ATP10B: variants seen among roughly 807,000 people sequenced by gnomAD.
The protein encoded by ATP10B is ATPase phospholipid transporting 10B (putative).
A neutral mutation model predicts 141.2 loss-of-function variants in ATP10B; 122 were observed. That is an observed-to-expected ratio of 0.86 (90% confidence interval 0.75 to 1.00). ATP10B has a LOEUF of 1.00. Among genes scored for constraint, ATP10B ranks in the 50% least tolerant of loss-of-function variants. The pLI is 0.00. For missense variants in ATP10B, 1,876 were observed against 1,825.3 expected, an observed-to-expected ratio of 1.03 and a Z score of -0.51; for synonymous variants, 685 against 692.0, an observed-to-expected ratio of 0.99 and a Z score of 0.16.
intron 2 of ATP10B, among the ~76,000 whole-genome samples, chr5:160,779,392 A>G (rs1581516360): frequency 1.3e-5 from 2 of 152,178 alleles, no homozygotes; most frequent in East Asian, 1.9e-4. Context: ...TTCTATAATT[A>G]GGTTACAAAA....
At chr5:160,814,982 G>A (rs1773493447) in intron 1 of ATP10B, among the ~76,000 whole-genome samples, 1 of 152,158 alleles carries the variant, frequency 6.6e-6, no homozygotes, top group Non-Finnish European at 1.5e-5. Context: ...GCTCCTGAAG[G>A]AAGCACTAAA....
chr5:160,867,788 A>T, the ATP10B span, among the ~76,000 whole-genome samples: 1 of 152,164 alleles, frequency 6.6e-6, no homozygotes, highest in Admixed American at 6.6e-5. Flanking sequence ...TGGATTTGGG[A>T]AGAAATCATT....
At chr5:160,657,208 T>C (rs891263950) in intron 7 of ATP10B, among the ~76,000 whole-genome samples, 1 of 152,094 alleles carries the variant, frequency 6.6e-6, no homozygotes, top group African/African-American at 2.4e-5. Flanking sequence ...GTCTAAATGG[T>C]GAAAGCAAAT....
chr5:160,822,015 T>C (rs1774148838), intron 1 of ATP10B, among the ~76,000 whole-genome samples: 1 of 152,046 alleles, frequency 6.6e-6, no homozygotes, highest in South Asian at 2.1e-4. Context: ...ACAAATGGGA[T>C]CACATCAAGT....
At chr5:160,768,322 A>T (rs889995376) in intron 2 of ATP10B, among the ~76,000 whole-genome samples, 13 of 152,258 alleles carry the variant, frequency 8.5e-5, no homozygotes, top group African/African-American at 3.1e-4. Context: ...TAGACAGATT[A>T]TGCCATGTAC....
chr5:160,877,411 A>C, the ATP10B span, among the ~76,000 whole-genome samples: 1 of 138,000 alleles, frequency 7.2e-6, no homozygotes, highest in Non-Finnish European at 1.6e-5. Flanking sequence ...ATCTATGACA[A>C]ACCCACAGCC....
At chr5:160,767,900 G>A (rs919187302) in intron 2 of ATP10B, among the ~76,000 whole-genome samples, 2 of 152,060 alleles carry the variant, frequency 1.3e-5, no homozygotes, top group African/African-American at 4.8e-5. Context: ...GGTGTTTTGT[G>A]TTTGTTCTGA....
intron 17 of ATP10B, among the ~76,000 whole-genome samples, chr5:160,614,781 G>A (rs1358190369): frequency 6.6e-6 from 1 of 152,190 alleles, no homozygotes; most frequent in Non-Finnish European, 1.5e-5. Flanking sequence ...GGCAGCTGGA[G>A]GCATGTGACT....
At chr5:160,632,731 C>T (rs1433130523) in intron 12 of ATP10B, 1 of 165,880 alleles carries the variant, frequency 6.0e-6, no homozygotes, top group East Asian at 1.7e-4. Flanking sequence ...TAATGTGGCT[C>T]TTATTATTAT....
chr5:160,872,402 T>C, the ATP10B span, among the ~76,000 whole-genome samples: 1 of 152,212 alleles, frequency 6.6e-6, no homozygotes, highest in Non-Finnish European at 1.5e-5. Flanking sequence ...GCTACTTAAC[T>C]TTGCTTTTAT....
At chr5:160,852,853 G>A (rs1396247845), upstream of ATP10B, among the ~76,000 whole-genome samples, 1 of 151,994 alleles carries the variant, frequency 6.6e-6, no homozygotes, top group East Asian at 1.9e-4. Flanking sequence ...TTATTGATGG[G>A]TCCATAAATA....
At chr5:160,572,080 T>C (rs1754909052) in intron 24 of ATP10B, among the ~76,000 whole-genome samples, 2 of 152,338 alleles carry the variant, frequency 1.3e-5, no homozygotes, top group African/African-American at 2.4e-5. Flanking sequence ...TTTGGGATAG[T>C]TGCCAATACC....
chr5:160,863,691 G>A, the ATP10B span, among the ~76,000 whole-genome samples: 1 of 151,922 alleles, frequency 6.6e-6, no homozygotes, highest in Non-Finnish European at 1.5e-5. Context: ...AAATAAAATT[G>A]GTAGACCATT....
At chr5:160,880,287 TG>T in the ATP10B span, among the ~76,000 whole-genome samples, 1 of 147,490 alleles carries the variant, frequency 6.8e-6, no homozygotes, top group African/African-American at 2.5e-5. Flanking sequence ...GAAACTATGA[TG>T]AAAGAAATCA....
chr5:160,629,408 ACT>A (rs2127659176), intron 13 of ATP10B, among the ~76,000 whole-genome samples: 1 of 151,968 alleles, frequency 6.6e-6, no homozygotes, highest in Non-Finnish European at 1.5e-5. Flanking sequence ...CCAAGTGAAG[ACT>A]CTTTCCTGGT....
At chr5:160,825,579 G>A (rs951264918) in intron 1 of ATP10B, among the ~76,000 whole-genome samples, 3 of 152,170 alleles carry the variant, frequency 2.0e-5, no homozygotes, top group Admixed American at 1.3e-4. Context: ...TGTGAAAACA[G>A]ACTAATACAA....
chr5:160,887,699 A>G, the ATP10B span, among the ~76,000 whole-genome samples: 1 of 152,132 alleles, frequency 6.6e-6, no homozygotes, highest in Non-Finnish European at 1.5e-5. Context: ...ATGGATCACA[A>G]ACCCTCCTGA....
chr5:160,912,831 G>A, the ATP10B span, among the ~76,000 whole-genome samples: 1 of 152,190 alleles, frequency 6.6e-6, no homozygotes, highest in Admixed American at 6.5e-5. Flanking sequence ...ACACTTTCCT[G>A]TGTTCTCTGT....
chr5:160,572,137 C>T (rs1407992231), intron 24 of ATP10B, among the ~76,000 whole-genome samples: 1 of 152,118 alleles, frequency 6.6e-6, no homozygotes, highest in African/African-American at 2.4e-5. Context: ...ATCTCCTTTT[C>T]CCTGAGGTTT....
Sources: gnomAD v4.1 joint callset for allele counts (sites outside exome capture counted in the v4.1 genomes callset) on GRCh38, gnomAD v4.1.1 for gene constraint, MANE v1.5 for transcripts, NCBI Gene and HGNC (gene_info 2026-07-23, HGNC 2026-07-21) for gene names.